GRIK3: variants seen among roughly 807,000 people sequenced by gnomAD.
GRIK3 encodes the protein glutamate ionotropic receptor kainate type subunit 3, also known as glutamate receptor ionotropic, kainate 3.
Under a neutral mutation model 102.5 loss-of-function variants are expected in GRIK3, and 29 were observed. That is an observed-to-expected ratio of 0.28 (90% CI 0.21 to 0.39). The LOEUF is 0.39. Ranked by LOEUF, GRIK3 falls within the 10% of genes least tolerant of loss-of-function variation. GRIK3 has a pLI of 1.00. For synonymous variants in GRIK3, 511 were observed against 504.9 expected, an observed-to-expected ratio of 1.01 and a Z score of -0.16; for missense variants, 908 against 1,252.4, an observed-to-expected ratio of 0.73 and a Z score of 4.15.
At position 36,957,453 on chromosome 1, in the gene GRIK3, CT is replaced by C. The variant is rs1557440346; in HGVS notation, c.116-66358del. Among the ~76,000 whole-genome samples the C allele has an allele frequency of 7.9e-4, 99 of 125,916 alleles. 2 individuals are homozygous for C. The highest frequency in any genetic ancestry group is 1.2e-3 in the East Asian group (5 of 4,082). 82.6% of individuals were successfully genotyped at this position (125,916 alleles called of 152,430 possible). A position where few individuals can be genotyped will look rare whatever the true frequency, so the allele number is the denominator to read the frequency against. ...CCTCTGTGCTCTGTGAGTCTGTGCC[CT>C]GTGAGCCTATGTGCTCTGTGAGTCT... On this transcript the variant is annotated intron_variant, in intron 1 of 15. Coordinates refer to ENST00000373091, the MANE Select transcript of GRIK3 (RefSeq NM_000831.4).
chr1:36,822,786 G>A (rs1642710001), intron 11 of GRIK3, among the ~76,000 whole-genome samples: 2 of 152,126 alleles, frequency 1.3e-5, no homozygotes, highest in Non-Finnish European at 2.9e-5. Flanking sequence ...CTGCCTCCTG[G>A]GTCAGGCACT....
intron 1 of GRIK3, among the ~76,000 whole-genome samples, chr1:37,021,237 A>G (rs553715891): frequency 7.9e-5 from 12 of 152,156 alleles, no homozygotes; most frequent in Non-Finnish European, 1.5e-4. Context: ...TGGCTCACCA[A>G]GGGACATGAC....
At chr1:36,854,976 T>C (rs1352707120) in intron 7 of GRIK3, among the ~76,000 whole-genome samples, 2 of 152,180 alleles carry the variant, frequency 1.3e-5, no homozygotes, top group Admixed American at 6.5e-5. Flanking sequence ...TGGACCTGTT[T>C]CCCTCCTCCA....
chr1:36,825,530 G>T, intron 11 of GRIK3, 73 bp downstream of exon 11: 1 of 954,494 alleles, frequency 1.0e-6, no homozygotes, highest in Non-Finnish European at 1.5e-6. Context: ...GCCAGGGGCT[G>T]AGGAGATGAG....
intron 10 of GRIK3, among the ~76,000 whole-genome samples, chr1:36,837,392 C>G (rs578212152): frequency 6.6e-6 from 1 of 152,254 alleles, no homozygotes; most frequent in South Asian, 2.1e-4. Context: ...AATTCCATGC[C>G]CTGTCCGCAA....
intron 1 of GRIK3, among the ~76,000 whole-genome samples, chr1:36,942,854 T>C (rs1270229150): frequency 1.3e-5 from 2 of 152,136 alleles, no homozygotes; most frequent in Admixed American, 1.3e-4. Flanking sequence ...CCCAGGGAAC[T>C]GCTAACCCTG....
At chr1:36,889,673 T>C (rs963527326) in intron 2 of GRIK3, among the ~76,000 whole-genome samples, 23 of 152,250 alleles carry the variant, frequency 1.5e-4, no homozygotes, top group East Asian at 1.9e-4. Flanking sequence ...TATAATTTCC[T>C]GGAGGAAGTA....
chr1:36,986,990 C>A (rs1256811345), intron 1 of GRIK3, among the ~76,000 whole-genome samples: 1 of 152,176 alleles, frequency 6.6e-6, no homozygotes, highest in Non-Finnish European at 1.5e-5. Context: ...AGGATACAAC[C>A]CTCCCTTAGA....
chr1:36,946,201 G>T (rs1011929533), intron 1 of GRIK3, among the ~76,000 whole-genome samples: 2 of 152,260 alleles, frequency 1.3e-5, no homozygotes, highest in Admixed American at 6.5e-5. Context: ...TCCTGGGCAA[G>T]CCCTGACACC....
At chr1:36,927,930 T>G (rs1298854211) in intron 1 of GRIK3, among the ~76,000 whole-genome samples, 2 of 152,118 alleles carry the variant, frequency 1.3e-5, no homozygotes, top group African/African-American at 2.4e-5. Flanking sequence ...TTGTCTAGAA[T>G]TCCGCCTCCG....
At chr1:36,874,972 G>A (rs1640897336) in intron 3 of GRIK3, among the ~76,000 whole-genome samples, 1 of 152,184 alleles carries the variant, frequency 6.6e-6, no homozygotes, top group South Asian at 2.1e-4. Flanking sequence ...CTTTCTGGCT[G>A]CTCCCCTAAT....
At chr1:36,833,548 A>C (rs1410501760) in intron 10 of GRIK3, among the ~76,000 whole-genome samples, 3 of 152,262 alleles carry the variant, frequency 2.0e-5, no homozygotes. Context: ...TCCAGCTCCA[A>C]AGAGCCCTGC....
intron 1 of GRIK3, among the ~76,000 whole-genome samples, chr1:36,997,183 C>T (rs1642429833): frequency 6.6e-6 from 1 of 152,134 alleles, no homozygotes. Context: ...CAAGTCACAA[C>T]CAAAAGTAGA....
intron 1 of GRIK3, among the ~76,000 whole-genome samples, chr1:36,981,931 C>T (rs760966303): frequency 1.9e-4 from 29 of 152,182 alleles, no homozygotes; most frequent in Non-Finnish European, 3.4e-4. Flanking sequence ...GTCATGTGTG[C>T]GTCTCAGAGC....
At chr1:36,959,606 CCTGTGTGCCCCGTAA>C in intron 1 of GRIK3, among the ~76,000 whole-genome samples, 1 of 120,082 alleles carries the variant, frequency 8.3e-6, no homozygotes. Context: ...ACCCCATGAG[CCTGTGTGCCCCGTAA>C]CTCTGTGCCC....
chr1:36,813,254 C>T (rs1027779919), intron 13 of GRIK3, among the ~76,000 whole-genome samples: 4 of 152,200 alleles, frequency 2.6e-5, no homozygotes, highest in Admixed American at 6.5e-5. Flanking sequence ...TAACAATCTA[C>T]GTTCCAGGGC....
chr1:37,025,297 G>T (rs961089705), intron 1 of GRIK3, among the ~76,000 whole-genome samples: 1 of 152,130 alleles, frequency 6.6e-6, no homozygotes, highest in Non-Finnish European at 1.5e-5. Context: ...TTAAAGTGTG[G>T]CTCCCAGATG....
intron 1 of GRIK3, among the ~76,000 whole-genome samples, chr1:37,000,944 T>G (rs1184042099): frequency 2.0e-5 from 3 of 152,212 alleles, no homozygotes; most frequent in Non-Finnish European, 2.9e-5. Context: ...AGCATTGCAC[T>G]GGGCACCTGA....
intron 1 of GRIK3, among the ~76,000 whole-genome samples, chr1:36,909,254 T>C (rs142240789): frequency 1.6e-4 from 25 of 151,706 alleles, no homozygotes; most frequent in African/African-American, 5.6e-4. Context: ...ATAGTGAGAG[T>C]ATTTACACCA....
Sources: gnomAD v4.1 joint callset for allele counts (sites outside exome capture counted in the v4.1 genomes callset) on GRCh38, gnomAD v4.1.1 for gene constraint, MANE v1.5 for transcripts, NCBI Gene and HGNC (gene_info 2026-07-23, HGNC 2026-07-21) for gene names.